FAS: variants seen among roughly 807,000 people sequenced by gnomAD.
FAS encodes Fas cell surface death receptor, also known as tumor necrosis factor receptor superfamily member 6.
Under a neutral mutation model 33.2 loss-of-function variants are expected in FAS, and 5 were observed. The observed-to-expected ratio is 0.15, with a 90% confidence interval of 0.08 to 0.32. FAS has a LOEUF of 0.32. FAS is among the 10% of genes least tolerant of loss of function. The probability of loss-of-function intolerance (pLI) is 1.00; values close to 1 mark genes in which losing one functional copy is unlikely to be tolerated. For synonymous variants in FAS, 131 were observed against 130.7 expected, an observed-to-expected ratio of 1.00 and a Z score of -0.01; for missense variants, 339 against 386.0, an observed-to-expected ratio of 0.88 and a Z score of 1.02.
Position 89,016,513 on chromosome 10 carries a change from AAC to A in FAS, c.*2064_*2065del, listed in dbSNP as rs1564704103. On this transcript the variant is annotated 3_prime_UTR_variant, in exon 9 of 9. Coordinates refer to ENST00000652046, the MANE Select transcript of FAS (RefSeq NM_000043.6). ...TCCACTTTGGTGAACTCAGAGCAAG[AAC>A]TTTGAGTTCCTTTGGGAGGAAGACA... The A allele has an allele frequency of 4.4e-6, 1 of 226,634 alleles. No homozygotes were observed. The allele number at this position is 226,634 out of a possible 1,614,324, so 14.0% of individuals were successfully genotyped here.
At chr10:88,971,746 C>G (rs1364806726) in intron 1 of FAS, among the ~76,000 whole-genome samples, 2 of 152,038 alleles carry the variant, frequency 1.3e-5, no homozygotes, top group African/African-American at 4.8e-5. Context: ...TGTGCAATAT[C>G]CCTCTTTTTG....
intron 1 of FAS, among the ~76,000 whole-genome samples, chr10:88,971,305 A>C (rs1201313512): frequency 6.6e-6 from 1 of 152,242 alleles, no homozygotes; most frequent in East Asian, 1.9e-4. Context: ...AACTTGATAA[A>C]ATAAGTACAG....
intron 1 of FAS, among the ~76,000 whole-genome samples, chr10:88,997,993 T>C (rs1242056348): frequency 6.6e-6 from 1 of 152,226 alleles, no homozygotes; most frequent in South Asian, 2.1e-4. Flanking sequence ...TGGGAAATTC[T>C]TGGGCTCAGC....
chr10:88,973,513 G>T, intron 2 of FAS: 1 of 530,348 alleles, frequency 1.9e-6, no homozygotes, highest in Admixed American at 4.2e-5. Flanking sequence ...TGTGAGGCCA[G>T]GTACCCTGTC....
At chr10:89,006,717 G>A (rs191110111) in intron 2 of FAS, among the ~76,000 whole-genome samples, 136 of 152,170 alleles carry the variant, frequency 8.9e-4, no homozygotes, top group African/African-American at 3.1e-3. Flanking sequence ...TCCCAAGAAG[G>A]TGAAGTCTTT....
At chr10:88,988,146 T>C (rs1250023715), upstream of FAS, among the ~76,000 whole-genome samples, 2 of 152,108 alleles carry the variant, frequency 1.3e-5, no homozygotes, top group African/African-American at 4.8e-5. Context: ...TCTATTTCTC[T>C]AGAGAACCCT....
At chr10:89,006,091 T>G (rs1329508194) in intron 2 of FAS, among the ~76,000 whole-genome samples, 1 of 152,254 alleles carries the variant, frequency 6.6e-6, no homozygotes, top group Non-Finnish European at 1.5e-5. Flanking sequence ...TTTCATACTT[T>G]GGAGGAACGA....
intron 1 of FAS, among the ~76,000 whole-genome samples, chr10:89,002,356 C>T (rs1453150848): frequency 1.3e-5 from 2 of 152,116 alleles, no homozygotes; most frequent in African/African-American, 2.4e-5. Context: ...TGATTTAAAC[C>T]AGGAATTGTG....
rs921062164 is a variant in FAS at position 89,014,822 on chromosome 10, C to T, written c.*372C>T. The T allele has an allele frequency of 1.7e-5, 9 of 544,708 alleles. No individual in the cohort carries two copies. Among genetic ancestry groups the T allele is most frequent in the African/African-American group, 1.5e-4 (8 of 54,264 alleles). The allele number at this position is 544,708 out of a possible 1,614,324, so 33.7% of individuals were successfully genotyped here. On this transcript the variant is annotated 3_prime_UTR_variant, in exon 9 of 9. Coordinates refer to ENST00000652046, the MANE Select transcript of FAS (RefSeq NM_000043.6). ...CACAGGCTAACCCCACTCTATGAAT[C>T]AATAGAAGAAGCTATGACCTTTTGC...
chr10:88,981,119 G>T (rs1846700200), intron 2 of FAS, among the ~76,000 whole-genome samples: 1 of 152,210 alleles, frequency 6.6e-6, no homozygotes, highest in Non-Finnish European at 1.5e-5. Flanking sequence ...ATATCCAAGA[G>T]AGAGCGGGGC....
In FAS at chr10:89,016,204, A is replaced by G. The variant is rs144547606; in HGVS notation, c.*1754A>G. 205 of 216,782 alleles carry G rather than the reference A, an allele frequency of 9.5e-4. 2 individuals are homozygous for G. In the East Asian group the frequency reaches 0.012, roughly 13 times the overall value. The allele number at this position is 216,782 out of a possible 1,614,324, so 13.4% of individuals were successfully genotyped here. ...TATTCTATTTAACCCATGAGTCCCA[A>G]AGTATTAGCATTTCAACATGTAAGC... is the stretch of plus-strand genomic sequence containing the variant. On this transcript the variant is annotated 3_prime_UTR_variant, in exon 9 of 9. Transcript: ENST00000652046.
chr10:88,982,681 T>C (rs371666744), upstream of FAS, among the ~76,000 whole-genome samples: 3 of 152,178 alleles, frequency 2.0e-5, no homozygotes, highest in African/African-American at 7.2e-5. Flanking sequence ...TTTTTCTTGA[T>C]AGGAAAATGT....
chr10:88,976,905 A>G (rs1235222412), intron 2 of FAS, among the ~76,000 whole-genome samples: 2 of 152,218 alleles, frequency 1.3e-5, no homozygotes, highest in Non-Finnish European at 2.9e-5. Flanking sequence ...ATGTTTGTAG[A>G]GAAGTTGCAT....
In FAS at chr10:89,008,947, A is replaced by C; in HGVS notation, c.393A>C (p.Pro131=). ...AGAATACCAAGTGCAGATGTAAACCAAACTTTTTTTGTAACTCTACTGTAT... is the reference window on the plus strand; with the variant it reads ...AGAATACCAAGTGCAGATGTAAACCCAACTTTTTTTGTAACTCTACTGTAT... ...RTQNTKCRCK[P]NFFCNSTVCE... Residue 131 remains proline (P), a synonymous_variant, in exon 4 of 9, where the codon CCA becomes CCC. Coordinates refer to ENST00000652046, the MANE Select transcript of FAS (RefSeq NM_000043.6). The C allele has an allele frequency of 6.2e-7, 1 of 1,614,076 alleles. No homozygotes were observed. The highest frequency in any genetic ancestry group is 8.5e-7 in the Non-Finnish European group (1 of 1,179,898).
At position 89,008,879 on chromosome 10, in the gene FAS, G is replaced by T. The variant is rs377251325; in HGVS notation, c.335-10G>T. 3 of 1,613,128 alleles carry T rather than the reference G, an allele frequency of 1.9e-6. No individual in the cohort carries two copies. Among genetic ancestry groups the T allele is most frequent in the Non-Finnish European group, 2.5e-6 (3 of 1,179,164 alleles). ...CGCTATAACTAATAGTTTCCAAACTGATTTTCTAGGCTTAGAAGTGGAAAT... is the reference window on the plus strand; with the variant it reads ...CGCTATAACTAATAGTTTCCAAACTTATTTTCTAGGCTTAGAAGTGGAAAT... On this transcript the variant is annotated splice_polypyrimidine_tract_variant and intron_variant, in intron 3 of 8. Coordinates refer to ENST00000652046, the MANE Select transcript of FAS (RefSeq NM_000043.6).
chr10:88,995,825 A>G (rs1228388206), intron 1 of FAS, among the ~76,000 whole-genome samples: 1 of 134,960 alleles, frequency 7.4e-6, no homozygotes, highest in Non-Finnish European at 1.7e-5. Flanking sequence ...GACTCCGTCT[A>G]CAAAGAAAAC....
In FAS at chr10:89,014,988, G is replaced by T. The variant is rs1037084722; in HGVS notation, c.*538G>T. The T allele has an allele frequency of 2.1e-5, 11 of 532,988 alleles. No individual in the cohort carries two copies. The highest frequency in any genetic ancestry group is 5.1e-4 in the Middle Eastern group (1 of 1,950). The allele number at this position is 532,988 out of a possible 1,614,324, so 33.0% of individuals were successfully genotyped here. ...TGTAAAGTATATGTATTTGAGTGCA[G>T]AATTTAAATAAGGCTCTACCTCAAA... On this transcript the variant is annotated 3_prime_UTR_variant, in exon 9 of 9. Transcript: ENST00000652046.
At chr10:88,968,303 G>A (rs1367380221) in intron 1 of FAS, among the ~76,000 whole-genome samples, 1 of 152,186 alleles carries the variant, frequency 6.6e-6, no homozygotes, top group Non-Finnish European at 1.5e-5. Context: ...TTCTTATTTT[G>A]TAGCCAGCAT....
rs2119474976 is a variant in FAS at position 89,015,723 on chromosome 10, G to A, written c.*1273G>A. On this transcript the variant is annotated 3_prime_UTR_variant, in exon 9 of 9. Coordinates refer to ENST00000652046, the MANE Select transcript of FAS (RefSeq NM_000043.6). ...ACTTCCATTTATGGAGGATTTTTTT[G>A]CCCCTTGTGTTTGGAATTATAAAAT... The A allele has an allele frequency of 4.0e-6, 2 of 496,074 alleles. No individual in the cohort carries two copies. The highest frequency in any genetic ancestry group is 4.0e-5 in the East Asian group (1 of 25,042). The allele number at this position is 496,074 out of a possible 1,614,324, so 30.7% of individuals were successfully genotyped here. A position where few individuals can be genotyped will look rare whatever the true frequency, so the allele number is the denominator to read the frequency against.
Sources: allele counts gnomAD v4.1 joint callset (sites outside exome capture counted in the v4.1 genomes callset), GRCh38; gene constraint gnomAD v4.1.1; transcripts MANE v1.5; gene names NCBI Gene and HGNC (gene_info 2026-07-23, HGNC 2026-07-21).